The following SLC9A9 variants were observed in gnomAD, a reference collection of about 807,000 sequenced individuals.
SLC9A9 encodes the protein sodium/hydrogen exchanger 9.
A neutral mutation model predicts 77.8 loss-of-function variants in SLC9A9; 62 were observed. The observed-to-expected ratio is 0.80, with a 90% CI of 0.65 to 0.98. SLC9A9 has a LOEUF of 0.98. SLC9A9 is among the 50% of genes least tolerant of loss of function. The pLI is 0.00. For missense variants in SLC9A9, 775 were observed against 774.9 expected, an observed-to-expected ratio of 1.00 and a Z score of 0.00; for synonymous variants, 320 against 283.5, an observed-to-expected ratio of 1.13 and a Z score of -1.29.
chr3:143,840,521 T>C (rs1453976656), intron 1 of SLC9A9, among the ~76,000 whole-genome samples: 2 of 152,214 alleles, frequency 1.3e-5, no homozygotes, highest in Admixed American at 6.5e-5. Flanking sequence ...ACCATGAACT[T>C]GCAACATGAC....
In SLC9A9 at chr3:143,265,898, G is replaced by T. The variant is rs3796227; in HGVS notation, c.*804C>A. The stretch of plus-strand genomic sequence containing the variant: ...CTCCAGCATATCGCGGGGAGGGGGG[G>T]ACCTGCTGCACAGCCAAGAAGTGAC... On this transcript the variant is annotated 3_prime_UTR_variant, in exon 16 of 16. Transcript: ENST00000316549. The T allele has an allele frequency of 3.3e-6, 2 of 607,604 alleles. No homozygotes were observed. Among genetic ancestry groups the T allele is most frequent in the Non-Finnish European group, 3.0e-6 (1 of 338,958 alleles). 37.6% of individuals were successfully genotyped at this position (607,604 alleles called of 1,614,324 possible).
intron 4 of SLC9A9, among the ~76,000 whole-genome samples, chr3:143,713,706 G>T (rs563190065): frequency 6.6e-6 from 1 of 152,218 alleles, no homozygotes; most frequent in South Asian, 2.1e-4. Context: ...CATGGTCAGG[G>T]GGAAGTAGGA....
At chr3:143,836,486 C>T (rs1231203379) in intron 1 of SLC9A9, among the ~76,000 whole-genome samples, 3 of 152,292 alleles carry the variant, frequency 2.0e-5, no homozygotes, top group Admixed American at 2.0e-4. Flanking sequence ...TAAAGTGTCA[C>T]AAATAAGGAA....
At chr3:143,470,472 T>A (rs2035359274) in intron 11 of SLC9A9, among the ~76,000 whole-genome samples, 2 of 123,466 alleles carry the variant, frequency 1.6e-5, no homozygotes. Flanking sequence ...AAGAGCGAAA[T>A]TCTGGCTCAA....
intron 4 of SLC9A9, among the ~76,000 whole-genome samples, chr3:143,699,251 A>G (rs978037134): frequency 3.9e-5 from 6 of 152,316 alleles, no homozygotes; most frequent in African/African-American, 1.2e-4. Flanking sequence ...ATTTTGAGAT[A>G]GAGGTAGAGC....
intron 8 of SLC9A9, 40 bp downstream of exon 8, chr3:143,574,048 A>T (rs770570761): frequency 6.4e-6 from 10 of 1,560,062 alleles, no homozygotes; most frequent in Non-Finnish European, 8.8e-6. Flanking sequence ...CCACACACAT[A>T]TTCACACATC....
chr3:143,846,613 G>A (rs2009835457), intron 1 of SLC9A9, among the ~76,000 whole-genome samples: 1 of 151,972 alleles, frequency 6.6e-6, no homozygotes, highest in African/African-American at 2.4e-5. Flanking sequence ...CAGCATTTTG[G>A]GAGGCCAAGG....
intron 12 of SLC9A9, among the ~76,000 whole-genome samples, chr3:143,431,617 G>C (rs575449527): frequency 1.3e-5 from 2 of 152,006 alleles, no homozygotes; most frequent in East Asian, 1.9e-4. Flanking sequence ...TGAGTGGCTG[G>C]ACTACAGGCA....
chr3:143,612,736 A>G (rs147418368), intron 6 of SLC9A9, among the ~76,000 whole-genome samples: 3 of 152,360 alleles, frequency 2.0e-5, no homozygotes, highest in South Asian at 2.1e-4. Flanking sequence ...ATTTTCATAC[A>G]TCCCTAAGGG....
chr3:143,831,086 C>T (rs993123668), intron 2 of SLC9A9, among the ~76,000 whole-genome samples: 1 of 152,040 alleles, frequency 6.6e-6, no homozygotes, highest in Non-Finnish European at 1.5e-5. Flanking sequence ...CCAAGTACCT[C>T]CCCTTCTGTT....
chr3:143,847,048 T>C (rs1277025829), intron 1 of SLC9A9, among the ~76,000 whole-genome samples: 1 of 152,198 alleles, frequency 6.6e-6, no homozygotes, highest in Admixed American at 6.5e-5. Context: ...TGGGATCCAC[T>C]TAAGGCTTAG....
intron 6 of SLC9A9, among the ~76,000 whole-genome samples, chr3:143,624,964 C>A (rs2108718645): frequency 6.6e-6 from 1 of 152,220 alleles, no homozygotes; most frequent in South Asian, 2.1e-4. Context: ...TTCTTATACA[C>A]CAATAACAGA....
At chr3:143,466,925 G>C (rs2035288793) in intron 12 of SLC9A9, 112 bp downstream of exon 12, 4 of 1,350,116 alleles carry the variant, frequency 3.0e-6, no homozygotes, top group East Asian at 5.0e-5. Flanking sequence ...TGACTGCTGG[G>C]AAAGTTAGGG....
chr3:143,689,860 G>A (rs1025282229), intron 5 of SLC9A9, among the ~76,000 whole-genome samples: 3 of 151,970 alleles, frequency 2.0e-5, no homozygotes, highest in Non-Finnish European at 2.9e-5. Context: ...AGGGTAAACC[G>A]AAAACCAACC....
At chr3:143,557,747 G>T (rs958086608) in intron 8 of SLC9A9, among the ~76,000 whole-genome samples, 2 of 152,180 alleles carry the variant, frequency 1.3e-5, no homozygotes, top group Non-Finnish European at 2.9e-5. Flanking sequence ...ATTTGAACTT[G>T]AGAGAGATAA....
chr3:143,581,956 C>T (rs1165883291), intron 6 of SLC9A9, among the ~76,000 whole-genome samples: 2 of 152,218 alleles, frequency 1.3e-5, no homozygotes, highest in Non-Finnish European at 2.9e-5. Flanking sequence ...GCCCAGGACA[C>T]AGCCTGTTGT....
chr3:143,652,778 T>TACACACACAC (rs369670861), intron 5 of SLC9A9, among the ~76,000 whole-genome samples: 2,592 of 82,374 alleles, frequency 0.031, 30 homozygotes, highest in Middle Eastern at 0.081. Flanking sequence ...ATTCCTTAAA[T>TACACACACAC]ACACACACAC....
At chr3:143,644,473 C>A (rs2038671722) in intron 6 of SLC9A9, among the ~76,000 whole-genome samples, 1 of 152,160 alleles carries the variant, frequency 6.6e-6, no homozygotes, top group South Asian at 2.1e-4. Flanking sequence ...TCCCAGTAAT[C>A]TGAACAGGGA....
intron 15 of SLC9A9, among the ~76,000 whole-genome samples, chr3:143,268,443 TC>T (rs1000049120): frequency 3.9e-5 from 6 of 152,076 alleles, no homozygotes; most frequent in African/African-American, 1.4e-4. Flanking sequence ...AAAAAATGCT[TC>T]CTCCTCAGGC....
Sources: gnomAD v4.1 joint callset for allele counts (sites outside exome capture counted in the v4.1 genomes callset) on GRCh38, gnomAD v4.1.1 for gene constraint, MANE v1.5 for transcripts, NCBI Gene and HGNC (gene_info 2026-07-23, HGNC 2026-07-21) for gene names.